Variants in TBXT observed in about 807,000 individuals in gnomAD.
The protein encoded by TBXT is T brachyury transcription factor.
TBXT carries 19 observed loss-of-function variants against 41.1 expected under a neutral mutation model. That is an observed-to-expected ratio of 0.46 (90% CI 0.32 to 0.68). The LOEUF (loss-of-function observed/expected upper bound fraction) is 0.68, where lower values mean the gene tolerates loss of function less well. Among genes scored for constraint, TBXT ranks in the 30% least tolerant of loss-of-function variants. TBXT has a pLI of 0.03. For missense variants in TBXT, 536 were observed against 582.0 expected (o/e 0.92, Z 0.81); for synonymous variants, 213 against 238.9 (o/e 0.89, Z 1.00).
rs775270433 is a variant in TBXT, at chr6:166,162,621, C to G, written c.733G>C (p.Gly245Arg). The G allele has an allele frequency of 1.2e-6, 2 of 1,610,688 alleles. No individual in the cohort carries two copies. Among genetic ancestry groups the G allele is most frequent in the Non-Finnish European group, 1.7e-6 (2 of 1,178,304 alleles). ...DSQQPGYSQS[G>R]GWLLPGTSTL... is the part of the protein sequence containing the mutation. Reference sequence around the variant, plus strand: ...CTGGTTCCAGGAAGAAGCCACCCCCCTGCTGTGAGAAAAGACAGTGCTGAG... The same window carrying G: ...CTGGTTCCAGGAAGAAGCCACCCCCGTGCTGTGAGAAAAGACAGTGCTGAG... Residue 245 changes from glycine to arginine, a missense_variant and splice_region_variant, in exon 6 of 8, where the codon GGG (glycine) becomes CGG (arginine). By Grantham distance (125) the Gly-to-Arg change is moderately radical. Coordinates refer to ENST00000366876, the MANE Select transcript of TBXT (RefSeq NM_001366285.2).
intron 5 of TBXT, among the ~76,000 whole-genome samples, chr6:166,163,990 C>T (rs926252554): frequency 6.6e-6 from 1 of 152,180 alleles, no homozygotes; most frequent in Non-Finnish European, 1.5e-5. Context: ...CCAGTGCTAC[C>T]GCGTTCATTG....
chr6:166,164,963 TC>T, intron 3 of TBXT, 102 bp from the exon 4 acceptor site: 1 of 907,178 alleles, frequency 1.1e-6, no homozygotes, highest in East Asian at 2.5e-5. Context: ...TTTTAAATAT[TC>T]AAATATAATC....
Position 166,167,636 on chromosome 6 carries a change from C to G in TBXT, c.-45G>C. On this transcript the variant is annotated 5_prime_UTR_variant, in exon 1 of 8. Transcript: ENST00000366876. ...CCCCGCCGTCCCCGAAGCCCAGACT[C>G]GCTACCTGAGATCCACCTTCCCTGC... 1 of 1,537,720 alleles carries G rather than the reference C, an allele frequency of 6.5e-7. No individual in the cohort carries two copies. The highest frequency in any genetic ancestry group is 8.7e-7 in the Non-Finnish European group (1 of 1,147,000).
At chr6:166,166,991 A>G (rs1025490756) in intron 1 of TBXT, 135 bp from the exon 2 acceptor site, 30 of 1,463,606 alleles carry the variant, frequency 2.0e-5, no homozygotes, top group Admixed American at 1.5e-4. Flanking sequence ...GTGACTCCCA[A>G]GCTCCCCCTT....
chr6:166,164,894 T>C, intron 3 of TBXT, 33 bp from the exon 4 acceptor site: 2 of 1,573,452 alleles, frequency 1.3e-6, no homozygotes, highest in Non-Finnish European at 8.7e-7. Context: ...TACTAGTATA[T>C]TCCCTATTAG....
chr6:166,158,286 G>A lies in TBXT; in HGVS notation c.*29C>T. On this transcript the variant is annotated 3_prime_UTR_variant, in exon 8 of 8. Transcript: ENST00000366876. ...CTGGCTGCCACGACAAAAAGTCACT[G>A]CATCTTTCGGGACCTGGGCCTTGCT... 1 of 1,614,238 alleles carries A rather than the reference G, an allele frequency of 6.2e-7. No individual in the cohort carries two copies. Among genetic ancestry groups the A allele is most frequent in the African/African-American group, 1.3e-5 (1 of 75,066 alleles).
At chr6:166,158,948 G>A (rs920171805) in intron 7 of TBXT, among the ~76,000 whole-genome samples, 3 of 152,212 alleles carry the variant, frequency 2.0e-5, no homozygotes, top group Non-Finnish European at 4.4e-5. Context: ...CAAGGCAGGT[G>A]GATCAGCTGA....
At chr6:166,162,347 G>T in intron 6 of TBXT, 100 bp downstream of exon 6, 2 of 1,378,102 alleles carry the variant, frequency 1.5e-6, no homozygotes, top group Non-Finnish European at 2.1e-6. Context: ...CCAGAAAACC[G>T]TCTCCATTTT....
chr6:166,165,788 A>G lies in TBXT; in HGVS notation c.524T>C (p.Val175Ala). ...KYEPRIHIVRVGGPQRMITSH... is the reference protein window; with the variant it reads ...KYEPRIHIVRAGGPQRMITSH... ...GGTGATCATGCGCTGTGGACCCCCA[A>G]CTCTCACTATGTGGATTCGAGGCTC... is the stretch of plus-strand genomic sequence containing the variant. The change falls in exon 3 of 8, where the codon GTT becomes GCT. Residue 175 changes from valine to alanine, a missense_variant. Transcript: ENST00000366876. 6.2e-7 allele frequency: 1 copy of G among 1,613,986 alleles called. No homozygotes were observed. The highest frequency in any genetic ancestry group is 8.5e-7 in the Non-Finnish European group (1 of 1,179,994).
At chr6:166,165,608 T>G in intron 3 of TBXT, 98 bp downstream of exon 3, 4 of 1,590,648 alleles carry the variant, frequency 2.5e-6, no homozygotes, top group Non-Finnish European at 3.4e-6. Flanking sequence ...TTCCTCTCAG[T>G]GCGGGTTAGC....
Position 166,158,235 on chromosome 6 carries a change from T to A in TBXT, c.*80A>T. 7 of 1,608,336 alleles carry A rather than the reference T, an allele frequency of 4.4e-6. No homozygotes were observed. The highest frequency in any genetic ancestry group is 1.3e-5 in the African/African-American group (1 of 74,940). On this transcript the variant is annotated 3_prime_UTR_variant, in exon 8 of 8. Coordinates refer to ENST00000366876, the MANE Select transcript of TBXT (RefSeq NM_001366285.2). ...TTCTTAACCTGAGACTGCCACTGGG[T>A]ACCTAGTAGGTCAATCCAGTCACCA...
intron 1 of TBXT, 62 bp from the exon 2 acceptor site, chr6:166,166,918 A>G (rs1378553684): frequency 6.2e-7 from 1 of 1,609,288 alleles, no homozygotes; most frequent in Non-Finnish European, 8.5e-7. Flanking sequence ...CGGAGGCAGA[A>G]GCTGGGCACA....
At position 166,167,659 on chromosome 6, in the gene TBXT, T is replaced by C. The variant is rs3099266; in HGVS notation, c.-68A>G. On this transcript the variant is annotated 5_prime_UTR_variant, in exon 1 of 8. Coordinates refer to ENST00000366876, the MANE Select transcript of TBXT (RefSeq NM_001366285.2). Reference sequence around the variant, plus strand: ...CTCGCTACCTGAGATCCACCTTCCCTGCTCTTGGCCGCCGCCCTTCCGAGA... The same window carrying C: ...CTCGCTACCTGAGATCCACCTTCCCCGCTCTTGGCCGCCGCCCTTCCGAGA... 930,618 of 1,530,136 alleles carry C rather than the reference T, an allele frequency of 0.61. 286,021 individuals are homozygous for C. Among genetic ancestry groups the C allele is most frequent in the African/African-American group, 0.82 (60,155 of 72,918 alleles). 94.8% of individuals were successfully genotyped at this position (1,530,136 alleles called of 1,614,324 possible). A position where few individuals can be genotyped will look rare whatever the true frequency, so the allele number is the denominator to read the frequency against.
At position 166,165,847 on chromosome 6, in the gene TBXT, GAGAC is replaced by G; in HGVS notation, c.472-11_472-8del. On this transcript the variant is annotated splice_polypyrimidine_tract_variant and splice_region_variant and intron_variant, in intron 2 of 7. Transcript: ENST00000366876. ...GCAAGGAGTTCAGCATGATCTGAGG[GAGAC>G]AGATACAGGATTGGTGGCACTGAAA... 6.2e-7 allele frequency: 1 copy of G among 1,614,140 alleles called. No individual in the cohort carries two copies. Among genetic ancestry groups the G allele is most frequent in the Non-Finnish European group, 8.5e-7 (1 of 1,180,018 alleles).
At chr6:166,160,436 C>G (rs761902740) in intron 7 of TBXT, among the ~76,000 whole-genome samples, 14 of 152,172 alleles carry the variant, frequency 9.2e-5, no homozygotes, top group Non-Finnish European at 1.9e-4. Context: ...CTGTAGGAGA[C>G]AGGCCGAGGC....
At chr6:166,161,674 G>A (rs1252812174) in intron 6 of TBXT, among the ~76,000 whole-genome samples, 1 of 151,828 alleles carries the variant, frequency 6.6e-6, no homozygotes, top group Non-Finnish European at 1.5e-5. Context: ...TGTAATCCCA[G>A]CACTTTGGGA....
chr6:166,164,904 G>T, intron 3 of TBXT, 43 bp from the exon 4 acceptor site: 1 of 1,531,212 alleles, frequency 6.5e-7, no homozygotes, highest in Non-Finnish European at 9.0e-7. Flanking sequence ...TTCCCTATTA[G>T]CCAGGGGATT....
intron 2 of TBXT, 38 bp from the exon 3 acceptor site, chr6:166,165,878 G>A: frequency 1.2e-6 from 2 of 1,613,598 alleles, no homozygotes; most frequent in Non-Finnish European, 1.7e-6. Context: ...GCACTGAAAG[G>A]CCTGCGTTAA....
At chr6:166,158,754 T>A (rs3099269) in intron 7 of TBXT, among the ~76,000 whole-genome samples, 166 bp from the exon 8 acceptor site, 116,278 of 152,268 alleles carry the variant, frequency 0.76, 44,721 homozygotes, top group East Asian at 0.89. Flanking sequence ...CACAAGCACA[T>A]TCTGTGATGT....
Sources: allele counts gnomAD v4.1 joint callset (sites outside exome capture counted in the v4.1 genomes callset), GRCh38; gene constraint gnomAD v4.1.1; transcripts MANE v1.5; gene names NCBI Gene and HGNC (gene_info 2026-07-23, HGNC 2026-07-21).